The following TEX36 variants were observed in gnomAD, a reference collection of about 807,000 sequenced individuals.
TEX36 encodes the protein testis expressed 36.
TEX36 carries 12 observed loss-of-function variants against 13.6 expected under a neutral mutation model. The observed-to-expected ratio is 0.88, with a 90% CI of 0.56 to 1.43. TEX36 has a LOEUF of 1.43. Among genes scored for constraint, TEX36 ranks in the 40% most tolerant of loss-of-function variants. The pLI, the probability that TEX36 is intolerant of heterozygous loss-of-function variation, is 0.00. For synonymous variants in TEX36, 93 were observed against 83.0 expected, an observed-to-expected ratio of 1.12 and a Z score of -0.65; for missense variants, 224 against 228.3, an observed-to-expected ratio of 0.98 and a Z score of 0.12.
intron 1 of TEX36, among the ~76,000 whole-genome samples, chr10:125,672,545 T>C (rs994743519): frequency 6.6e-6 from 1 of 152,212 alleles, no homozygotes; most frequent in African/African-American, 2.4e-5. Flanking sequence ...GTGTTTTACT[T>C]CCCATCATGT....
At chr10:125,602,878 G>A (rs140834276) in intron 3 of TEX36, among the ~76,000 whole-genome samples, 18 of 152,268 alleles carry the variant, frequency 1.2e-4, no homozygotes, top group African/African-American at 4.1e-4. Flanking sequence ...AAACGCATGC[G>A]GTACAAATGA....
chr10:125,594,111 A>C (rs1444234172), intron 3 of TEX36, among the ~76,000 whole-genome samples: 1 of 152,160 alleles, frequency 6.6e-6, no homozygotes, highest in African/African-American at 2.4e-5. Flanking sequence ...AGAAGGACCC[A>C]GCTGCCATCT....
At chr10:125,629,352 C>T (rs1378851900) in intron 3 of TEX36, among the ~76,000 whole-genome samples, 5 of 152,174 alleles carry the variant, frequency 3.3e-5, no homozygotes, top group African/African-American at 1.2e-4. Flanking sequence ...GAAATTGAGG[C>T]GACTTCAAAT....
intron 3 of TEX36, among the ~76,000 whole-genome samples, chr10:125,641,823 C>T (rs961191893): frequency 6.6e-6 from 1 of 152,210 alleles, no homozygotes; most frequent in Admixed American, 6.5e-5. Flanking sequence ...GTCCCCAGGA[C>T]CTACCCCTCC....
intron 1 of TEX36, chr10:125,667,419 A>C (rs1847141202): frequency 6.0e-6 from 4 of 671,294 alleles, no homozygotes; most frequent in Non-Finnish European, 1.1e-5. Flanking sequence ...CTCTGCTAGC[A>C]GATGCTGGCA....
At chr10:125,662,119 T>G (rs1847055201) in intron 1 of TEX36, 142 bp from the exon 2 acceptor site, 4 of 1,165,016 alleles carry the variant, frequency 3.4e-6, no homozygotes, top group Admixed American at 5.4e-5. Flanking sequence ...TTTTGTAATT[T>G]TCAAGTATTC....
At chr10:125,637,983 A>G (rs2133572544) in intron 3 of TEX36, among the ~76,000 whole-genome samples, 1 of 151,664 alleles carries the variant, frequency 6.6e-6, no homozygotes, top group African/African-American at 2.4e-5. Context: ...TTCCCTTGAA[A>G]TGATCATGCC....
intron 3 of TEX36, among the ~76,000 whole-genome samples, chr10:125,595,559 T>C (rs1846072174): frequency 6.6e-6 from 1 of 152,120 alleles, no homozygotes. Context: ...TGTGCTGCCT[T>C]CCCTCTGTGC....
At chr10:125,607,974 A>C (rs1237469389) in intron 3 of TEX36, among the ~76,000 whole-genome samples, 1 of 152,294 alleles carries the variant, frequency 6.6e-6, no homozygotes, top group Non-Finnish European at 1.5e-5. Context: ...CATGCATGAA[A>C]TGATGGTTTA....
chr10:125,667,165 G>GT, intron 1 of TEX36: 1 of 665,580 alleles, frequency 1.5e-6, no homozygotes, highest in East Asian at 3.2e-5. Flanking sequence ...GACAGCGGGG[G>GT]GCACTGTGCG....
chr10:125,582,774 T>C (rs993341287), intron 3 of TEX36, among the ~76,000 whole-genome samples: 9 of 152,164 alleles, frequency 5.9e-5, no homozygotes, highest in Non-Finnish European at 1.2e-4. Context: ...AGGAGATAAA[T>C]TGGTTTTTTT....
chr10:125,582,330 C>G (rs1222264334), intron 3 of TEX36, among the ~76,000 whole-genome samples: 1 of 152,200 alleles, frequency 6.6e-6, no homozygotes, highest in African/African-American at 2.4e-5. Context: ...TTCTAGACCA[C>G]AAATTTTCTG....
At chr10:125,646,070 G>T (rs559147120) in intron 3 of TEX36, among the ~76,000 whole-genome samples, 1 of 152,164 alleles carries the variant, frequency 6.6e-6, no homozygotes, top group African/African-American at 2.4e-5. Context: ...GGCTCACACC[G>T]ATAATCCCAG....
At chr10:125,672,407 C>A (rs1195597553) in intron 1 of TEX36, among the ~76,000 whole-genome samples, 2 of 152,146 alleles carry the variant, frequency 1.3e-5, no homozygotes, top group Admixed American at 6.5e-5. Context: ...CATTCAAGAG[C>A]AGATTGTTCA....
intron 1 of TEX36, among the ~76,000 whole-genome samples, chr10:125,677,933 C>T (rs1847335707): frequency 6.6e-6 from 1 of 152,178 alleles, no homozygotes; most frequent in African/African-American, 2.4e-5. Flanking sequence ...CTGCCCACCT[C>T]GGCCTCCCAA....
At chr10:125,638,445 C>G (rs1450361685) in intron 3 of TEX36, among the ~76,000 whole-genome samples, 2 of 152,162 alleles carry the variant, frequency 1.3e-5, no homozygotes, top group African/African-American at 4.8e-5. Flanking sequence ...AACGCTGAAG[C>G]TGGAGAGGGA....
At chr10:125,580,506 G>A (rs1343070023) in intron 3 of TEX36, among the ~76,000 whole-genome samples, 1 of 152,152 alleles carries the variant, frequency 6.6e-6, no homozygotes, top group African/African-American at 2.4e-5. Context: ...GAGGGGTAAA[G>A]GGGAGGAAAG....
rs9422936 is a variant in TEX36, at chr10:125,675,601, C to G, written c.51+7338G>C. ...ATAAAGCATGGTTTCCAGGGCAGGG[C>G]AAGATGATCACTCACCACCCTTCTT... is the stretch of plus-strand genomic sequence containing the variant. On this transcript the variant is annotated intron_variant, in intron 1 of 3. Transcript: ENST00000368821. Among the ~76,000 whole-genome samples the G allele has an allele frequency of 8.6e-3, 1,317 of 152,284 alleles. 18 individuals are homozygous for G. The highest frequency in any genetic ancestry group is 0.029 in the African/African-American group (1,209 of 41,550).
At chr10:125,640,398 C>G (rs999863411) in intron 3 of TEX36, among the ~76,000 whole-genome samples, 2 of 152,196 alleles carry the variant, frequency 1.3e-5, no homozygotes, top group African/African-American at 4.8e-5. Flanking sequence ...TCAACAATTT[C>G]ATAGAGCCGT....
Sources: allele counts gnomAD v4.1 joint callset (sites outside exome capture counted in the v4.1 genomes callset), GRCh38; gene constraint gnomAD v4.1.1; transcripts MANE v1.5; gene names NCBI Gene and HGNC (gene_info 2026-07-23, HGNC 2026-07-21).